Variants in PTPRK observed in about 807,000 individuals in gnomAD.
PTPRK encodes receptor-type tyrosine-protein phosphatase kappa.
Under a neutral mutation model 178.0 loss-of-function variants are expected in PTPRK, and 75 were observed. The ratio of observed to expected loss-of-function variants is 0.42; its 90% CI spans 0.35 to 0.51. The LOEUF is 0.51. Ranked by LOEUF, PTPRK falls within the 20% of genes least tolerant of loss-of-function variation. PTPRK has a pLI of 0.02. For synonymous variants in PTPRK, 637 were observed against 620.6 expected (o/e 1.03, Z -0.39); for missense variants, 1,441 against 1,797.8 (o/e 0.80, Z 3.59).
chr6:128,299,475 T>C (rs1188252155), intron 3 of PTPRK, among the ~76,000 whole-genome samples: 1 of 151,844 alleles, frequency 6.6e-6, no homozygotes, highest in African/African-American at 2.4e-5. Context: ...CAAACTATAC[T>C]ACAAGGCTAC....
At chr6:128,056,234 T>G (rs1036049972) in intron 13 of PTPRK, among the ~76,000 whole-genome samples, 31 of 152,034 alleles carry the variant, frequency 2.0e-4, no homozygotes, top group African/African-American at 7.2e-4. Context: ...GGTTAAGAAG[T>G]AGTCAATGAG....
At chr6:128,150,659 C>G (rs1797118833) in intron 7 of PTPRK, among the ~76,000 whole-genome samples, 1 of 152,082 alleles carries the variant, frequency 6.6e-6, no homozygotes, top group African/African-American at 2.4e-5. Context: ...ATATAAACAT[C>G]TGTTTATCCC....
chr6:128,270,137 A>T (rs769528555), intron 3 of PTPRK, among the ~76,000 whole-genome samples: 20 of 152,278 alleles, frequency 1.3e-4, no homozygotes, highest in Middle Eastern at 6.8e-3. Flanking sequence ...ATACTTTCTC[A>T]TAGTTATATT....
intron 6 of PTPRK, among the ~76,000 whole-genome samples, chr6:128,217,846 C>T (rs1809631778): frequency 6.6e-6 from 1 of 152,162 alleles, no homozygotes; most frequent in African/African-American, 2.4e-5. Context: ...TTTACAGTCT[C>T]AGCCCCAGTT....
chr6:128,034,838 G>A (rs1775940092), intron 13 of PTPRK, among the ~76,000 whole-genome samples: 1 of 152,136 alleles, frequency 6.6e-6, no homozygotes, highest in African/African-American at 2.4e-5. Flanking sequence ...TGTGGATTGT[G>A]TGAAATGTTT....
At chr6:128,175,786 T>C (rs919153316) in intron 7 of PTPRK, among the ~76,000 whole-genome samples, 1 of 151,800 alleles carries the variant, frequency 6.6e-6, no homozygotes, top group African/African-American at 2.4e-5. Context: ...ATAATTTGGG[T>C]ACGTAAGCTC....
At chr6:128,256,452 T>C (rs960985415) in intron 3 of PTPRK, among the ~76,000 whole-genome samples, 9 of 151,970 alleles carry the variant, frequency 5.9e-5, no homozygotes, top group African/African-American at 1.7e-4. Context: ...CTTCATTTTT[T>C]TTTTTTTTTG....
chr6:128,193,621 A>T (rs1804295656), intron 6 of PTPRK, among the ~76,000 whole-genome samples: 1 of 152,176 alleles, frequency 6.6e-6, no homozygotes. Flanking sequence ...TTGAAGTGCA[A>T]GATCTGTAGA....
At chr6:128,416,369 C>T (rs1266563741) in intron 1 of PTPRK, among the ~76,000 whole-genome samples, 11 of 151,386 alleles carry the variant, frequency 7.3e-5, no homozygotes, top group African/African-American at 2.4e-4. Context: ...TGGCCGGGCA[C>T]GGTGGCTCAC....
chr6:128,354,851 A>G (rs1284308462), intron 2 of PTPRK, among the ~76,000 whole-genome samples: 3 of 152,202 alleles, frequency 2.0e-5, no homozygotes, highest in Admixed American at 6.5e-5. Context: ...CATCTAGACT[A>G]ACTTTTAATC....
chr6:128,254,028 T>G (rs1362031201), intron 3 of PTPRK, among the ~76,000 whole-genome samples: 1 of 152,160 alleles, frequency 6.6e-6, no homozygotes, highest in East Asian at 1.9e-4. Flanking sequence ...AAACCTCTTG[T>G]AAAAAGAGAA....
chr6:128,046,533 T>A (rs879789981), intron 13 of PTPRK, among the ~76,000 whole-genome samples: 1 of 151,930 alleles, frequency 6.6e-6, no homozygotes, highest in Non-Finnish European at 1.5e-5. Context: ...TCCATCCCTT[T>A]AAAAAAAAGT....
chr6:128,298,408 C>A (rs368206987), intron 3 of PTPRK, among the ~76,000 whole-genome samples: 1 of 150,674 alleles, frequency 6.6e-6, no homozygotes, highest in African/African-American at 2.5e-5. Flanking sequence ...ATACCAAAGC[C>A]GGGCAGAGAC....
intron 1 of PTPRK, among the ~76,000 whole-genome samples, chr6:128,514,792 C>T (rs149665236): frequency 1.4e-4 from 22 of 152,188 alleles, no homozygotes; most frequent in African/African-American, 5.1e-4. Flanking sequence ...ATCCTTAGAT[C>T]CCAGGCCCAG....
rs377029017 is a variant in PTPRK, at chr6:128,245,096, T to C, written c.496-2494A>G. Among the ~76,000 whole-genome samples, 386 of 152,280 alleles carry C rather than the reference T, an allele frequency of 2.5e-3. 2 individuals carry two copies. The highest frequency in any genetic ancestry group is 8.8e-3 in the African/African-American group (367 of 41,588). On this transcript the variant is annotated intron_variant, in intron 3 of 29. Transcript: ENST00000368226. ...GTCACACACATACACACACATAAAT[T>C]GATTTAATCCTCATTACAATCACAC...
intron 13 of PTPRK, among the ~76,000 whole-genome samples, chr6:128,053,049 T>A (rs950320554): frequency 6.6e-6 from 1 of 152,162 alleles, no homozygotes; most frequent in East Asian, 1.9e-4. Flanking sequence ...CAGGTACTTT[T>A]ATTGGATAAT....
At chr6:128,113,893 TTAC>T (rs1379695959) in intron 7 of PTPRK, among the ~76,000 whole-genome samples, 1 of 152,128 alleles carries the variant, frequency 6.6e-6, no homozygotes, top group African/African-American at 2.4e-5. Context: ...CTATCCTTAA[TTAC>T]AGAATGTATC....
chr6:128,397,252 T>A (rs1474476418), intron 2 of PTPRK, among the ~76,000 whole-genome samples: 4 of 152,208 alleles, frequency 2.6e-5, no homozygotes. Context: ...CATTTGAGAA[T>A]TTTTTGGAAA....
intron 6 of PTPRK, among the ~76,000 whole-genome samples, chr6:128,218,357 A>G (rs1182040597): frequency 6.6e-6 from 1 of 152,220 alleles, no homozygotes; most frequent in Non-Finnish European, 1.5e-5. Context: ...CACTACAAAT[A>G]TGTACTGATA....
Sources: gnomAD v4.1 joint callset for allele counts (sites outside exome capture counted in the v4.1 genomes callset) on GRCh38, gnomAD v4.1.1 for gene constraint, MANE v1.5 for transcripts, NCBI Gene and HGNC (gene_info 2026-07-23, HGNC 2026-07-21) for gene names.